RNF157: variants seen among roughly 807,000 people sequenced by gnomAD.
RNF157 encodes E3 ubiquitin ligase RNF157.
In RNF157, 55 loss-of-function variants were observed where a neutral mutation model predicts 88.3. The ratio of observed to expected loss-of-function variants is 0.62; its 90% CI spans 0.50 to 0.78. RNF157 has a LOEUF of 0.78. RNF157 is among the 30% of genes least tolerant of loss of function. RNF157 has a pLI of 0.00. For missense variants in RNF157, 788 were observed against 860.8 expected, an observed-to-expected ratio of 0.92 and a Z score of 1.06; for synonymous variants, 334 against 341.2, an observed-to-expected ratio of 0.98 and a Z score of 0.23.
intron 2 of RNF157, among the ~76,000 whole-genome samples, chr17:76,198,121 C>T (rs191757018): frequency 1.9e-4 from 29 of 152,304 alleles, no homozygotes; most frequent in Admixed American, 3.9e-4. Flanking sequence ...ATTACTCAAC[C>T]GGGGCCTGCT....
At chr17:76,164,700 G>T (rs2068895690) in intron 8 of RNF157, 48 bp downstream of exon 8, 3 of 1,154,128 alleles carry the variant, frequency 2.6e-6, no homozygotes, top group Non-Finnish European at 1.3e-6. Flanking sequence ...AAGAATAAAA[G>T]GAAGGAAGGA....
intron 18 of RNF157, among the ~76,000 whole-genome samples, chr17:76,149,935 G>A (rs911951069): frequency 6.6e-6 from 1 of 152,116 alleles, no homozygotes; most frequent in Non-Finnish European, 1.5e-5. Context: ...TCAGGAGGCT[G>A]AGGCAGAGAA....
chr17:76,227,123 T>TG (rs1035019065), intron 1 of RNF157, among the ~76,000 whole-genome samples: 2 of 151,538 alleles, frequency 1.3e-5, no homozygotes, highest in African/African-American at 4.8e-5. Context: ...TTTTGTTTTT[T>TG]TTTTTTTTTG....
At chr17:76,196,532 A>G (rs2069480230) in intron 2 of RNF157, among the ~76,000 whole-genome samples, 1 of 152,212 alleles carries the variant, frequency 6.6e-6, no homozygotes, top group Non-Finnish European at 1.5e-5. Context: ...TTTAAAGAGG[A>G]CAAGTCAGCC....
At chr17:76,185,227 G>GC (rs1555656357) in intron 2 of RNF157, among the ~76,000 whole-genome samples, 3 of 152,094 alleles carry the variant, frequency 2.0e-5, no homozygotes, top group African/African-American at 4.8e-5. Context: ...TGACTTCCAG[G>GC]CCCCCCCAGA....
chr17:76,227,165 G>A (rs1354775702), intron 1 of RNF157, among the ~76,000 whole-genome samples: 2 of 147,880 alleles, frequency 1.4e-5, no homozygotes, highest in Admixed American at 6.8e-5. Context: ...CGCCTAGGCT[G>A]GAGTGCAATG....
intron 6 of RNF157, 129 bp from the exon 7 acceptor site, chr17:76,165,674 T>A (rs1411602252): frequency 5.5e-6 from 5 of 912,098 alleles, no homozygotes; most frequent in African/African-American, 1.7e-5. Flanking sequence ...GCACGTTATA[T>A]AACCCATACT....
At chr17:76,239,856 G>A (rs930630496) in intron 1 of RNF157, among the ~76,000 whole-genome samples, 3 of 152,116 alleles carry the variant, frequency 2.0e-5, no homozygotes, top group Non-Finnish European at 2.9e-5. Context: ...CGGTCCCTGC[G>A]GGCACGCGTC....
intron 18 of RNF157, among the ~76,000 whole-genome samples, chr17:76,145,771 TGTTC>T (rs1172505535): frequency 6.6e-6 from 1 of 152,160 alleles, no homozygotes; most frequent in Admixed American, 6.5e-5. Flanking sequence ...GTGAGAAGAC[TGTTC>T]GTTCTGGCCG....
At chr17:76,224,719 TA>T (rs35330664) in intron 1 of RNF157, among the ~76,000 whole-genome samples, 72 of 146,814 alleles carry the variant, frequency 4.9e-4, no homozygotes, top group Middle Eastern at 3.5e-3. Context: ...TGATAAGCTT[TA>T]AAAAAAAAAA....
Position 76,240,090 on chromosome 17 carries a change from C to A in RNF157, c.88+63G>T, listed in dbSNP as rs1246101667. ...CCCGCGGGGCCCCCTCAGGCCGTCC[C>A]GACCCAGACCCCTGCCCCTGCCCCT... On this transcript the variant is annotated intron_variant, in intron 1 of 18. Transcript: ENST00000269391. The surrounding 1 kb of genome is among the most constrained non-coding windows in gnomAD (Gnocchi z 4.4). The A allele has an allele frequency of 3.8e-6, 4 of 1,065,650 alleles. No individual in the cohort carries two copies. The highest frequency in any genetic ancestry group is 4.8e-6 in the Non-Finnish European group (4 of 838,294). The allele number at this position is 1,065,650 out of a possible 1,614,324, so 66.0% of individuals were successfully genotyped here.
intron 1 of RNF157, among the ~76,000 whole-genome samples, chr17:76,237,360 C>T (rs1356635699): frequency 6.6e-6 from 1 of 152,220 alleles, no homozygotes; most frequent in South Asian, 2.1e-4. Flanking sequence ...CGCTTTCCAG[C>T]GAGCCAGATA....
intron 1 of RNF157, chr17:76,226,031 T>C: frequency 6.2e-7 from 1 of 1,611,580 alleles, no homozygotes; most frequent in Non-Finnish European, 8.5e-7. Context: ...ATCGTAAGGT[T>C]TGGGGTGGGC....
chr17:76,208,398 C>T lies in RNF157; in HGVS notation c.207+3966G>A, dbSNP rs140990696. Among the ~76,000 whole-genome samples the T allele has an allele frequency of 4.5e-3, 684 of 152,318 alleles. 3 individuals are homozygous for T. Among genetic ancestry groups the T allele is most frequent in the Middle Eastern group, 0.02 (6 of 294 alleles). On this transcript the variant is annotated intron_variant, in intron 2 of 18. Coordinates refer to ENST00000269391, the MANE Select transcript of RNF157 (RefSeq NM_052916.3). ...GGTTCCAATCCTGATCCCTTACAGG[C>T]TGTGCAGTCTTTAAACTCTCTGTGC...
At position 76,230,705 on chromosome 17, in the gene RNF157, G is replaced by A. The variant is rs888962072; in HGVS notation, c.88+9448C>T. 2.8e-4 allele frequency among the ~76,000 whole-genome samples: 42 copies of A among 151,806 alleles called. 1 individual carries two copies. Among genetic ancestry groups the A allele is most frequent in the Non-Finnish European group, 5.0e-4 (34 of 67,982 alleles). On this transcript the variant is annotated intron_variant, in intron 1 of 18. Transcript: ENST00000269391. ...ATACAAAAATTAGCCAGGCATGGTG[G>A]CAGGCACCTGCAATCCCAGCTACTC...
intron 2 of RNF157, among the ~76,000 whole-genome samples, chr17:76,185,676 A>T (rs1452506202): frequency 1.3e-5 from 2 of 151,856 alleles, no homozygotes; most frequent in African/African-American, 2.4e-5. Context: ...TCACCGTGTT[A>T]GCCAGGATGG....
chr17:76,187,346 G>A (rs1329873950), intron 2 of RNF157, among the ~76,000 whole-genome samples: 2 of 151,814 alleles, frequency 1.3e-5, no homozygotes, highest in East Asian at 1.9e-4. Flanking sequence ...ACCATGCCCA[G>A]CTAATTTTTT....
intron 3 of RNF157, among the ~76,000 whole-genome samples, chr17:76,171,698 C>CCACCATGAAAGGTAAAGTTGATTATCA (rs1161852521): frequency 6.6e-6 from 1 of 152,196 alleles, no homozygotes; most frequent in Non-Finnish European, 1.5e-5. Flanking sequence ...ATTTTGACAA[C>CCACCATGAAAGGTAAAGTTGATTATCA]CACCATGAAA....
intron 2 of RNF157, among the ~76,000 whole-genome samples, chr17:76,204,682 A>G (rs1415180423): frequency 1.3e-5 from 2 of 152,216 alleles, no homozygotes; most frequent in South Asian, 2.1e-4. Context: ...ATAGGGTTCA[A>G]TTTACAGAAA....
Sources: allele counts gnomAD v4.1 joint callset (sites outside exome capture counted in the v4.1 genomes callset), GRCh38; gene constraint gnomAD v4.1.1; non-coding constraint Gnocchi (gnomAD v3.1); transcripts MANE v1.5; gene names NCBI Gene and HGNC (gene_info 2026-07-23, HGNC 2026-07-21).